The following RPL27A variants were observed in gnomAD, a reference collection of about 807,000 sequenced individuals.
The protein encoded by RPL27A is large ribosomal subunit protein uL15.
For synonymous variants in RPL27A, 69 were observed against 68.3 expected (o/e 1.01, Z -0.05); for missense variants, 118 against 189.4 (o/e 0.62, Z 2.21).
At chr11:8,682,969 G>T in intron 1 of RPL27A, 153 bp downstream of exon 1, 1 of 1,095,266 alleles carries the variant, frequency 9.1e-7, no homozygotes, top group Non-Finnish European at 1.3e-6. Context: ...CGGGCCCGGG[G>T]CGGGGCTCCC....
chr11:8,684,154 A>G, intron 3 of RPL27A, 73 bp downstream of exon 3: 2 of 1,259,684 alleles, frequency 1.6e-6, no homozygotes, highest in Non-Finnish European at 2.3e-6. Flanking sequence ...GCTTAAACAA[A>G]AAGTTTAGAA....
In RPL27A at chr11:8,684,779, T is replaced by G. The variant is rs558945275; in HGVS notation, c.205T>G (p.Phe69Val). 4.3e-6 allele frequency: 7 copies of G among 1,614,000 alleles called. No individual in the cohort carries two copies. Among genetic ancestry groups the G allele is most frequent in the Non-Finnish European group, 5.9e-6 (7 of 1,179,922 alleles). Reference sequence around the variant, plus strand: ...TTACCACTTAAAGAGGAACCAGAGCTTCTGCCCAACTGTCAACCTTGACAA... The same window carrying G: ...TTACCACTTAAAGAGGAACCAGAGCGTCTGCCCAACTGTCAACCTTGACAA... Reference protein sequence around the residue: ...KHYHLKRNQSFCPTVNLDKLW... With the variant: ...KHYHLKRNQSVCPTVNLDKLW... Residue 69 changes from phenylalanine to valine, a missense_variant, in exon 4 of 5, where the codon TTC (phenylalanine) becomes GTC (valine). By Grantham distance (50) the Phe-to-Val change is conservative. Transcript: ENST00000314138.
chr11:8,687,967 T>C lies in RPL27A; in HGVS notation c.*2161T>C, dbSNP rs2039602852. The C allele has an allele frequency of 6.6e-6, 1 of 152,180 alleles. No individual in the cohort carries two copies. Among genetic ancestry groups the C allele is most frequent in the African/African-American group, 2.4e-5 (1 of 41,424 alleles). The allele number at this position is 152,180 out of a possible 1,614,324, so 9.4% of individuals were successfully genotyped here. ...GACTTAGTAACTTAAGTGCAAACTA[T>C]TACGGGAGCAGATGGAGTCAATTGG... On this transcript the variant is annotated 3_prime_UTR_variant, in exon 5 of 5. Coordinates refer to ENST00000314138, the MANE Select transcript of RPL27A (RefSeq NM_000990.5).
At position 8,684,016 on chromosome 11, in the gene RPL27A, G is replaced by T; in HGVS notation, c.78G>T (p.Arg26=). Residue 26 remains arginine, a synonymous_variant, in exon 3 of 5, where the codon CGG becomes CGT. Transcript: ENST00000314138. ...SHGHGRIGKH[R]KHPGGRGNAG... ...TTTGTATTCCTGCAGGCAAGCACCGGAAGCACCCCGGCGGCCGCGGTAATG... is the reference window on the plus strand; with the variant it reads ...TTTGTATTCCTGCAGGCAAGCACCGTAAGCACCCCGGCGGCCGCGGTAATG... 2 of 1,612,438 alleles carry T rather than the reference G, an allele frequency of 1.2e-6. No homozygotes were observed. The highest frequency in any genetic ancestry group is 1.7e-6 in the Non-Finnish European group (2 of 1,179,984).
At chr11:8,683,455 A>T in intron 2 of RPL27A, 190 bp downstream of exon 2, 1 of 609,376 alleles carries the variant, frequency 1.6e-6, no homozygotes, top group Non-Finnish European at 2.9e-6. Context: ...GGGTAATAGG[A>T]ATTGAGCAGG....
rs1438205478 is a variant in RPL27A, at chr11:8,688,574, T to G, written c.*2768T>G. On this transcript the variant is annotated 3_prime_UTR_variant, in exon 5 of 5. Transcript: ENST00000314138. The stretch of plus-strand genomic sequence containing the variant: ...TTCATGGAGGCTCATACTGGCGATC[T>G]CTAGTGGCTGGCTAAAGCTTGAATT... The G allele has an allele frequency of 6.6e-6, 1 of 152,222 alleles. No homozygotes were observed. Among genetic ancestry groups the G allele is most frequent in the African/African-American group, 2.4e-5 (1 of 41,454 alleles). 9.4% of individuals were successfully genotyped at this position (152,222 alleles called of 1,614,324 possible).
Position 8,685,906 on chromosome 11 carries a change from G to T in RPL27A, c.*100G>T. On this transcript the variant is annotated 3_prime_UTR_variant, in exon 5 of 5. Coordinates refer to ENST00000314138, the MANE Select transcript of RPL27A (RefSeq NM_000990.5). ...CCTCTACATCCTGTGTGCATTGGGA[G>T]CCCAGGTTCTAGTACTTAGGGTATG... 1 of 1,206,212 alleles carries T rather than the reference G, an allele frequency of 8.3e-7. No individual in the cohort carries two copies. The highest frequency in any genetic ancestry group is 1.2e-6 in the Non-Finnish European group (1 of 848,766). The allele number at this position is 1,206,212 out of a possible 1,614,324, so 74.7% of individuals were successfully genotyped here. A position where few individuals can be genotyped will look rare whatever the true frequency, so the allele number is the denominator to read the frequency against.
chr11:8,684,664 A>G (rs1426853504), intron 3 of RPL27A, 54 bp from the exon 4 acceptor site: 3 of 1,494,956 alleles, frequency 2.0e-6, no homozygotes, highest in Non-Finnish European at 2.8e-6. Context: ...TAAAGATGAT[A>G]AACATAGCAT....
chr11:8,684,549 C>G, intron 3 of RPL27A, 169 bp from the exon 4 acceptor site: 1 of 678,998 alleles, frequency 1.5e-6, no homozygotes. Context: ...TCATGATAGT[C>G]TTTGGTGGTT....
At chr11:8,683,027 C>T in intron 1 of RPL27A, 175 bp from the exon 2 acceptor site, 5 of 835,414 alleles carry the variant, frequency 6.0e-6, no homozygotes, top group South Asian at 3.4e-5. Context: ...ACACGCGGGC[C>T]CCTGCGCTAC....
chr11:8,683,926 C>G, intron 2 of RPL27A, 80 bp from the exon 3 acceptor site: 6 of 1,100,608 alleles, frequency 5.5e-6, no homozygotes, highest in Non-Finnish European at 6.9e-6. Flanking sequence ...AGGTGATCTA[C>G]CCCCCCTCGT....
intron 2 of RPL27A, chr11:8,683,666 G>C (rs2039538928): frequency 2.1e-6 from 1 of 478,168 alleles, no homozygotes; most frequent in Non-Finnish European, 3.8e-6. Context: ...GCATGAGAAG[G>C]CTGTGTGGTG....
chr11:8,689,841 C>T lies in RPL27A; in HGVS notation c.*4035C>T, dbSNP rs1164488200. Reference sequence around the variant, plus strand: ...ATAAAGTAGGTTATAAGTGTACATGCGAAAAGATGTTTTTAACAAAAATGT... The same window carrying T: ...ATAAAGTAGGTTATAAGTGTACATGTGAAAAGATGTTTTTAACAAAAATGT... On this transcript the variant is annotated 3_prime_UTR_variant, in exon 5 of 5. Transcript: ENST00000314138. 1.3e-5 allele frequency: 2 copies of T among 152,098 alleles called. No homozygotes were observed. Among genetic ancestry groups the T allele is most frequent in the African/African-American group, 4.8e-5 (2 of 41,402 alleles). The allele number at this position is 152,098 out of a possible 1,614,324, so 9.4% of individuals were successfully genotyped here. A position where few individuals can be genotyped will look rare whatever the true frequency, so the allele number is the denominator to read the frequency against.
rs2039611732 is a variant in RPL27A, at chr11:8,688,944, C to T, written c.*3138C>T. ...TGGCGTCCTCACAACACAGACCGGACCTTGGGTCTTACCCCGGCACCTGAG... is the reference window on the plus strand; with the variant it reads ...TGGCGTCCTCACAACACAGACCGGATCTTGGGTCTTACCCCGGCACCTGAG... On this transcript the variant is annotated 3_prime_UTR_variant, in exon 5 of 5. Coordinates refer to ENST00000314138, the MANE Select transcript of RPL27A (RefSeq NM_000990.5). 6.6e-6 allele frequency: 1 copy of T among 152,276 alleles called. No individual in the cohort carries two copies. Among genetic ancestry groups the T allele is most frequent in the South Asian group, 2.1e-4 (1 of 4,834 alleles). 9.4% of individuals were successfully genotyped at this position (152,276 alleles called of 1,614,324 possible).
intron 4 of RPL27A, 109 bp from the exon 5 acceptor site, chr11:8,685,568 AC>A: frequency 8.0e-7 from 1 of 1,252,262 alleles, no homozygotes; most frequent in Non-Finnish European, 1.2e-6. Context: ...TCAGAAACAT[AC>A]ATACCCTGCC....
At chr11:8,683,839 G>A (rs1242815318) in intron 2 of RPL27A, 167 bp from the exon 3 acceptor site, 4 of 649,382 alleles carry the variant, frequency 6.2e-6, no homozygotes, top group Non-Finnish European at 1.1e-5. Context: ...CACGACGCCC[G>A]GCTAATTCTT....
At chr11:8,682,958 G>C in intron 1 of RPL27A, 142 bp downstream of exon 1, 1 of 1,191,836 alleles carries the variant, frequency 8.4e-7, no homozygotes, top group South Asian at 1.5e-5. Context: ...GGTGGCCGGC[G>C]CGGGCCCGGG....
rs2039568261 is a variant in RPL27A, at chr11:8,684,662, A to G, written c.144-56A>G. On this transcript the variant is annotated intron_variant, in intron 3 of 4. Transcript: ENST00000314138. ...ATAGGGGGTGGTAACTATAAAGATG[A>G]TAAACATAGCATCTTAATTGGAGTG... is the stretch of plus-strand genomic sequence containing the variant. 2.7e-6 allele frequency: 4 copies of G among 1,464,294 alleles called. No individual in the cohort carries two copies. The Admixed American group carries it at 5.1e-5, about 19-fold the overall frequency. 90.7% of individuals were successfully genotyped at this position (1,464,294 alleles called of 1,614,324 possible).
Position 8,685,940 on chromosome 11 carries a change from G to T in RPL27A, c.*134G>T, listed in dbSNP as rs1053433600. 16 of 787,544 alleles carry T rather than the reference G, an allele frequency of 2.0e-5. No homozygotes were observed. The highest frequency in any genetic ancestry group is 3.2e-5 in the Non-Finnish European group (16 of 497,360). The allele number at this position is 787,544 out of a possible 1,614,324, so 48.8% of individuals were successfully genotyped here. A position where few individuals can be genotyped will look rare whatever the true frequency, so the allele number is the denominator to read the frequency against. On this transcript the variant is annotated 3_prime_UTR_variant, in exon 5 of 5. Coordinates refer to ENST00000314138, the MANE Select transcript of RPL27A (RefSeq NM_000990.5). Reference sequence around the variant, plus strand: ...CTAGTACTTAGGGTATGAAGACATGGGGTCCTCTCCTGACTTCCCTCAAAT... The same window carrying T: ...CTAGTACTTAGGGTATGAAGACATGTGGTCCTCTCCTGACTTCCCTCAAAT...
Sources: allele counts gnomAD v4.1 joint callset, GRCh38; gene constraint gnomAD v4.1.1; transcripts MANE v1.5; gene names NCBI Gene and HGNC (gene_info 2026-07-23, HGNC 2026-07-21).